Variants in TBC1D16 observed in about 807,000 individuals in gnomAD.
The protein encoded by TBC1D16 is TBC1 domain family member 16.
Under a neutral mutation model 74.7 loss-of-function variants are expected in TBC1D16, and 58 were observed. That is an observed-to-expected ratio of 0.78 (90% CI 0.63 to 0.97). TBC1D16 has a LOEUF of 0.97. Ranked by LOEUF, TBC1D16 falls within the 50% of genes least tolerant of loss-of-function variation. The probability of loss-of-function intolerance (pLI) is 0.00; values close to 1 mark genes in which losing one functional copy is unlikely to be tolerated. For synonymous variants in TBC1D16, 493 were observed against 474.7 expected, an observed-to-expected ratio of 1.04 and a Z score of -0.50; for missense variants, 1,014 against 1,079.5, an observed-to-expected ratio of 0.94 and a Z score of 0.85.
intron 2 of TBC1D16, among the ~76,000 whole-genome samples, chr17:80,011,712 G>C (rs1486042792): frequency 6.6e-6 from 1 of 151,988 alleles, no homozygotes; most frequent in Non-Finnish European, 1.5e-5. Context: ...TGTAGTCCCA[G>C]CTACTTGGGA....
intron 3 of TBC1D16, 83 bp from the exon 4 acceptor site, chr17:79,952,901 A>G: frequency 1.3e-6 from 2 of 1,491,398 alleles, no homozygotes; most frequent in Non-Finnish European, 1.8e-6. Flanking sequence ...TGGGGGAGTC[A>G]TTTAAACCTA....
chr17:80,010,705 G>A lies in TBC1D16; in HGVS notation c.234C>T (p.Ile78=), dbSNP rs1283273775. 3 of 1,513,330 alleles carry A rather than the reference G, an allele frequency of 2.0e-6. No homozygotes were observed. The South Asian group carries it at 4.1e-5, about 20-fold the overall frequency. 93.7% of individuals were successfully genotyped at this position (1,513,330 alleles called of 1,614,324 possible). ...TGCGAGAGTTGGGGACCCATGCCAG[G>A]ATGAGGGTGGCTCCCAGCATCTCAT... ...EKDEMLGATL[I]LAWVPNSRIQ... Residue 78 remains isoleucine (I), a synonymous_variant, in exon 3 of 12, where the codon ATC becomes ATT. Transcript: ENST00000310924. This position sits in a 1 kb window ranked among gnomAD's most constrained non-coding sequence, Gnocchi z 8.8.
chr17:80,006,330 G>A (rs1014415680), intron 3 of TBC1D16, among the ~76,000 whole-genome samples: 6 of 152,104 alleles, frequency 3.9e-5, no homozygotes, highest in Non-Finnish European at 5.9e-5. Flanking sequence ...ATGCCTGGGC[G>A]CCACCCCAGC....
chr17:79,943,660 C>T (rs1338509019), intron 10 of TBC1D16, among the ~76,000 whole-genome samples: 2 of 151,194 alleles, frequency 1.3e-5, no homozygotes, highest in South Asian at 2.1e-4. Context: ...CAGAAACTTG[C>T]TTTGTGGACT....
intron 3 of TBC1D16, among the ~76,000 whole-genome samples, chr17:79,957,772 G>T (rs1391256908): frequency 6.6e-6 from 1 of 151,694 alleles, no homozygotes; most frequent in Non-Finnish European, 1.5e-5. Context: ...TGCGTGTGGT[G>T]GGGGAGGGGG....
At chr17:79,943,847 C>A in intron 10 of TBC1D16, 5 of 1,378,202 alleles carry the variant, frequency 3.6e-6, no homozygotes, top group Non-Finnish European at 4.7e-6. Context: ...ATGAGGGCGG[C>A]AAATCTGCCA....
At chr17:80,012,256 C>T (rs781374001) in intron 2 of TBC1D16, among the ~76,000 whole-genome samples, 6 of 152,170 alleles carry the variant, frequency 3.9e-5, no homozygotes, top group African/African-American at 4.8e-5. Context: ...CCTTTGAGAT[C>T]GGCAAGAGGG....
chr17:79,974,952 G>A (rs1224952578), intron 3 of TBC1D16, among the ~76,000 whole-genome samples: 2 of 152,222 alleles, frequency 1.3e-5, no homozygotes, highest in East Asian at 3.8e-4. Flanking sequence ...TCCTGATTTG[G>A]CCTCGGTTTT....
At chr17:79,945,861 C>T (rs1047776853) in intron 9 of TBC1D16, among the ~76,000 whole-genome samples, 3 of 152,258 alleles carry the variant, frequency 2.0e-5, no homozygotes, top group Non-Finnish European at 4.4e-5. Context: ...TAGATCACAG[C>T]TGGGGGGATC....
rs2036183505 is a variant in TBC1D16 at position 80,018,665 on chromosome 17, G to A, written c.-62-5056C>T. Among the ~76,000 whole-genome samples, 2 of 148,164 alleles carry A rather than the reference G, an allele frequency of 1.3e-5. 1 individual carries two copies. Among genetic ancestry groups the A allele is most frequent in the African/African-American group, 5.2e-5 (2 of 38,112 alleles). On this transcript the variant is annotated intron_variant, in intron 1 of 11. Transcript: ENST00000310924. Reference sequence around the variant, plus strand: ...CACCCAGGCTAGAGTGCAGTGGTGTGATCACAGCTCACTGTATTCTGAAAC... The same window carrying A: ...CACCCAGGCTAGAGTGCAGTGGTGTAATCACAGCTCACTGTATTCTGAAAC...
At chr17:79,997,222 G>A (rs2035306904) in intron 3 of TBC1D16, among the ~76,000 whole-genome samples, 1 of 152,178 alleles carries the variant, frequency 6.6e-6, no homozygotes, top group Non-Finnish European at 1.5e-5. Flanking sequence ...ACAGATGGGT[G>A]CCTGTAATAC....
chr17:80,018,716 C>T (rs2036185401), intron 1 of TBC1D16, among the ~76,000 whole-genome samples: 1 of 149,316 alleles, frequency 6.7e-6, no homozygotes, highest in Non-Finnish European at 1.5e-5. Context: ...ATCCTCCTGC[C>T]CAGTCTCCCA....
intron 1 of TBC1D16, among the ~76,000 whole-genome samples, chr17:80,025,015 CA>C (rs2036504793): frequency 5.5e-5 from 1 of 18,246 alleles, no homozygotes; most frequent in Non-Finnish European, 1.1e-4. Context: ...TAGACACACA[CA>C]CACACCACAG....
rs1304868237 is a variant in TBC1D16, at chr17:79,987,250, CTTT to C, written c.779+22907_779+22909del. Among the ~76,000 whole-genome samples, 1 of 151,300 alleles carries C rather than the reference CTTT, an allele frequency of 6.6e-6. No homozygotes were observed. Among genetic ancestry groups the C allele is most frequent in the Admixed American group, 6.6e-5 (1 of 15,206 alleles). Reference sequence around the variant, plus strand: ...ATTTCTTTAAGGAATTTTTTTTTTACTTTTTTTTCAGACTGGGTCTTGCTCTGT... The same window carrying C: ...ATTTCTTTAAGGAATTTTTTTTTTACTTTTTCAGACTGGGTCTTGCTCTGT... On this transcript the variant is annotated intron_variant, in intron 3 of 11. Coordinates refer to ENST00000310924, the MANE Select transcript of TBC1D16 (RefSeq NM_019020.4). The surrounding 1 kb of genome is among the most constrained non-coding windows in gnomAD (Gnocchi z 5.2).
Position 79,944,944 on chromosome 17 carries a change from C to G in TBC1D16, c.1872G>C (p.Ala624=). The G allele has an allele frequency of 1.3e-6, 2 of 1,553,434 alleles. No homozygotes were observed. Among genetic ancestry groups the G allele is most frequent in the Non-Finnish European group, 1.7e-6 (2 of 1,148,336 alleles). Reference sequence around the variant, plus strand: ...CCCAGCAGGCCTCCCAGATCCGCAGCGCTTCGGCCTCGGGGAACTCCCGCT... The same window carrying G: ...CCCAGCAGGCCTCCCAGATCCGCAGGGCTTCGGCCTCGGGGAACTCCCGCT... ...CFKREFPEAE[A]LRIWEACWAH... is the part of the protein sequence containing the mutation. Residue 624 remains alanine (A), a synonymous_variant, in exon 10 of 12, where the codon GCG becomes GCC. Coordinates refer to ENST00000310924, the MANE Select transcript of TBC1D16 (RefSeq NM_019020.4). This position sits in a 1 kb window ranked among gnomAD's most constrained non-coding sequence, Gnocchi z 7.7.
At chr17:80,006,575 C>A (rs141350912) in intron 3 of TBC1D16, among the ~76,000 whole-genome samples, 195 of 152,302 alleles carry the variant, frequency 1.3e-3, no homozygotes, top group Non-Finnish European at 2.1e-3. Context: ...CAGAAGCGCA[C>A]AGGAGCAAGG....
intron 3 of TBC1D16, among the ~76,000 whole-genome samples, chr17:79,984,271 C>T (rs2034721268): frequency 6.6e-6 from 1 of 152,186 alleles, no homozygotes; most frequent in South Asian, 2.1e-4. Context: ...TCTCCCAAAG[C>T]ACTGGGATTA....
intron 1 of TBC1D16, among the ~76,000 whole-genome samples, chr17:80,024,797 A>G (rs2036489235): frequency 6.8e-6 from 1 of 146,590 alleles, no homozygotes; most frequent in Non-Finnish European, 1.5e-5. Flanking sequence ...ACACACTACA[A>G]ACCATAGGCA....
chr17:79,943,939 C>A, intron 10 of TBC1D16: 1 of 1,469,100 alleles, frequency 6.8e-7, no homozygotes, highest in Non-Finnish European at 9.0e-7. Flanking sequence ...CCATGCCGTG[C>A]TTCCCTTCGT....
Sources: gnomAD v4.1 joint callset for allele counts (sites outside exome capture counted in the v4.1 genomes callset) on GRCh38, gnomAD v4.1.1 for gene constraint, Gnocchi (gnomAD v3.1) non-coding constraint, MANE v1.5 for transcripts, NCBI Gene and HGNC (gene_info 2026-07-23, HGNC 2026-07-21) for gene names.